The following GDAP2 variants were observed in gnomAD, a reference collection of about 807,000 sequenced individuals.
The protein encoded by GDAP2 is ganglioside-induced differentiation-associated protein 2.
A neutral mutation model predicts 67.0 loss-of-function variants in GDAP2; 51 were observed. That is an observed-to-expected ratio of 0.76 (90% CI 0.61 to 0.96). GDAP2 has a LOEUF of 0.96. Ranked by LOEUF, GDAP2 falls within the 40% of genes least tolerant of loss-of-function variation. The pLI is 0.00. For synonymous variants in GDAP2, 203 were observed against 207.3 expected (o/e 0.98, Z 0.18); for missense variants, 547 against 588.3 (o/e 0.93, Z 0.73).
chr1:117,879,571 G>A (rs543443442), intron 12 of GDAP2, among the ~76,000 whole-genome samples: 1 of 152,220 alleles, frequency 6.6e-6, no homozygotes, highest in Admixed American at 6.5e-5. Context: ...TATTTTACAT[G>A]TATTAACTCA....
chr1:117,886,441 T>C (rs1648857580), intron 10 of GDAP2, 136 bp downstream of exon 10: 3 of 598,588 alleles, frequency 5.0e-6, no homozygotes, highest in African/African-American at 1.9e-5. Context: ...GGTCCACTCA[T>C]AGAACCAGGT....
chr1:117,887,297 T>C (rs972700596), intron 9 of GDAP2, among the ~76,000 whole-genome samples: 3 of 152,112 alleles, frequency 2.0e-5, no homozygotes, highest in Non-Finnish European at 4.4e-5. Context: ...CAAAACTAAA[T>C]AGCACTCAAA....
chr1:117,906,964 T>C (rs890022203), intron 5 of GDAP2, among the ~76,000 whole-genome samples: 2 of 152,196 alleles, frequency 1.3e-5, no homozygotes, highest in Admixed American at 6.5e-5. Flanking sequence ...TTATCCAGTA[T>C]ATTCTTCTTA....
intron 2 of GDAP2, 100 bp from the exon 3 acceptor site, chr1:117,918,836 T>C (rs530282889): frequency 2.7e-4 from 277 of 1,028,294 alleles, no homozygotes; most frequent in South Asian, 6.6e-4. Context: ...TTTTTCAAAA[T>C]GTTGGTTTTG....
rs187958582 is a variant in GDAP2 at position 117,901,024 on chromosome 1, T to C, written c.637-1808A>G. On this transcript the variant is annotated intron_variant, in intron 6 of 13. Transcript: ENST00000369443. ...GTAGTGAGCCGAGATCGTGCCACTC[T>C]ACTCCAGCCTGGGTAACAGGGTGAG... Among the ~76,000 whole-genome samples, 675 of 152,192 alleles carry C rather than the reference T, an allele frequency of 4.4e-3. 3 individuals carry two copies. The highest frequency in any genetic ancestry group is 0.015 in the African/African-American group (639 of 41,530).
Position 117,881,896 on chromosome 1 carries a change from G to T in GDAP2, c.1248-19C>A. On this transcript the variant is annotated intron_variant, in intron 11 of 13. Coordinates refer to ENST00000369443, the MANE Select transcript of GDAP2 (RefSeq NM_017686.4). ...CTTGTACCTGATCCAAAAATAAAAT[G>T]ACAAAAAAAATCAGTATAAGTTCAT... 1 of 1,449,100 alleles carries T rather than the reference G, an allele frequency of 6.9e-7. No homozygotes were observed. The highest frequency in any genetic ancestry group is 1.1e-5 in the South Asian group (1 of 87,502). 89.8% of individuals were successfully genotyped at this position (1,449,100 alleles called of 1,614,324 possible). A position where few individuals can be genotyped will look rare whatever the true frequency, so the allele number is the denominator to read the frequency against.
At chr1:117,876,593 T>C (rs1648464009) in intron 13 of GDAP2, among the ~76,000 whole-genome samples, 1 of 152,206 alleles carries the variant, frequency 6.6e-6, no homozygotes, top group African/African-American at 2.4e-5. Flanking sequence ...ATGAGCCAAG[T>C]GTTAGATTAT....
rs1648010366 is a variant in GDAP2, at chr1:117,864,910, G to A, written c.*5659C>T. ...CGTTAGAGTGCCTGGACCACAGGAAGAATTACAATGACAGTTCTGTCTCCT... is the reference window on the plus strand; with the variant it reads ...CGTTAGAGTGCCTGGACCACAGGAAAAATTACAATGACAGTTCTGTCTCCT... On this transcript the variant is annotated 3_prime_UTR_variant, in exon 14 of 14. Transcript: ENST00000369443. The A allele has an allele frequency of 1.3e-5, 2 of 152,154 alleles. No individual in the cohort carries two copies. The highest frequency in any genetic ancestry group is 4.1e-4 in the South Asian group (2 of 4,822). The allele number at this position is 152,154 out of a possible 1,614,324, so 9.4% of individuals were successfully genotyped here.
intron 11 of GDAP2, 49 bp downstream of exon 11, chr1:117,883,439 A>G (rs762272693): frequency 4.3e-6 from 6 of 1,403,462 alleles, no homozygotes; most frequent in South Asian, 2.4e-5. Flanking sequence ...GCTTAATATT[A>G]GAAAAGAAAG....
chr1:117,909,878 A>G (rs1248183943), intron 5 of GDAP2, among the ~76,000 whole-genome samples: 9 of 152,276 alleles, frequency 5.9e-5, no homozygotes, highest in African/African-American at 2.2e-4. Context: ...CAGTCTTCTT[A>G]ACCCCCTATT....
chr1:117,880,607 CACTA>C (rs1648618877), intron 12 of GDAP2, among the ~76,000 whole-genome samples: 1 of 152,188 alleles, frequency 6.6e-6, no homozygotes, highest in African/African-American at 2.4e-5. Context: ...AGGAGAAAGA[CACTA>C]ACTGTTGAAG....
chr1:117,891,640 AT>A (rs1649088013), intron 8 of GDAP2, among the ~76,000 whole-genome samples: 1 of 151,920 alleles, frequency 6.6e-6, no homozygotes, highest in African/African-American at 2.4e-5. Context: ...GATGCTGATC[AT>A]TTGTTGTGTG....
At position 117,920,405 on chromosome 1, in the gene GDAP2, A is replaced by G. The variant is rs1251624965; in HGVS notation, c.-48T>C. 5 of 1,182,396 alleles carry G rather than the reference A, an allele frequency of 4.2e-6. No individual in the cohort carries two copies. The African/African-American group carries it at 6.1e-5, about 14-fold the overall frequency. The allele number at this position is 1,182,396 out of a possible 1,614,324, so 73.2% of individuals were successfully genotyped here. On this transcript the variant is annotated 5_prime_UTR_variant, in exon 2 of 14. Transcript: ENST00000369443. The stretch of plus-strand genomic sequence containing the variant: ...TTTTCCCAAAATCCTCAGCAATTCA[A>G]TATTCACTGGAGACTTTAGCTTTAA...
At chr1:117,916,458 G>C (rs1198948269) in intron 3 of GDAP2, among the ~76,000 whole-genome samples, 1 of 152,188 alleles carries the variant, frequency 6.6e-6, no homozygotes, top group Non-Finnish European at 1.5e-5. Flanking sequence ...AGTTTAATGA[G>C]AGGCCACTAA....
At chr1:117,911,856 G>C (rs190188455) in intron 5 of GDAP2, 138 bp downstream of exon 5, 2 of 593,126 alleles carry the variant, frequency 3.4e-6, no homozygotes, top group African/African-American at 3.7e-5. Flanking sequence ...GCTCACTGCA[G>C]CCTTAAACTT....
Position 117,918,752 on chromosome 1 carries a change from A to G in GDAP2, c.177-16T>C. ...ATCTCCTTTCCTGAAGAAACAATAAAGAATGAACAAGTGTGGGGAAAAAGA... is the reference window on the plus strand; with the variant it reads ...ATCTCCTTTCCTGAAGAAACAATAAGGAATGAACAAGTGTGGGGAAAAAGA... On this transcript the variant is annotated splice_polypyrimidine_tract_variant and intron_variant, in intron 2 of 13. Transcript: ENST00000369443. 6.3e-7 allele frequency: 1 copy of G among 1,583,214 alleles called. No homozygotes were observed. Among genetic ancestry groups the G allele is most frequent in the Non-Finnish European group, 8.7e-7 (1 of 1,155,118 alleles).
At chr1:117,913,507 G>T (rs1303931929) in intron 3 of GDAP2, 1 of 152,014 alleles carries the variant, frequency 6.6e-6, no homozygotes, top group African/African-American at 2.4e-5. Flanking sequence ...CAGCTGAAAA[G>T]AGGGGATTTA....
chr1:117,872,696 G>T lies in GDAP2; in HGVS notation c.1447-2080C>A, dbSNP rs540774197. On this transcript the variant is annotated intron_variant, in intron 13 of 13. Transcript: ENST00000369443. ...TTACTGGGGCCTGTTGGGGGAGGGT[G>T]GGGGGAGAGCATTAGGGGAATAAGC... Among the ~76,000 whole-genome samples the T allele has an allele frequency of 6.6e-5, 10 of 151,610 alleles. No homozygotes were observed. The South Asian group carries it at 2.1e-3, about 32-fold the overall frequency.
chr1:117,920,332 T>C lies in GDAP2; in HGVS notation c.26A>G (p.Gln9Arg). MDPLGAPS[Q>R]FVDVDTLPSW... is the part of the protein sequence containing the mutation. ...TGGTAGTGTATCCACATCCACAAAC[T>C]GGGAAGGTGCACCTAAGGGATCCAT... The change falls in exon 2 of 14, where the codon CAG (glutamine) becomes CGG (arginine). Residue 9 changes from glutamine to arginine, a missense_variant. By Grantham distance (43) the Gln-to-Arg change is conservative. Coordinates refer to ENST00000369443, the MANE Select transcript of GDAP2 (RefSeq NM_017686.4). The C allele has an allele frequency of 6.2e-7, 1 of 1,605,390 alleles. No individual in the cohort carries two copies. The highest frequency in any genetic ancestry group is 1.1e-5 in the South Asian group (1 of 88,700).
Sources: gnomAD v4.1 joint callset for allele counts (sites outside exome capture counted in the v4.1 genomes callset) on GRCh38, gnomAD v4.1.1 for gene constraint, MANE v1.5 for transcripts, NCBI Gene and HGNC (gene_info 2026-07-23, HGNC 2026-07-21) for gene names.